Variants in RPRD2 observed in about 807,000 individuals in gnomAD.
RPRD2 encodes regulation of nuclear pre-mRNA domain-containing protein 2.
RPRD2 carries 12 observed loss-of-function variants against 104.4 expected under a neutral mutation model. The observed-to-expected ratio is 0.11, with a 90% CI of 0.07 to 0.19. The LOEUF is 0.19. RPRD2 is among the 10% of genes least tolerant of loss of function. RPRD2 has a pLI of 1.00. For missense variants in RPRD2, 1,543 were observed against 1,790.1 expected, an observed-to-expected ratio of 0.86 and a Z score of 2.49; for synonymous variants, 714 against 684.9, an observed-to-expected ratio of 1.04 and a Z score of -0.66.
rs1661665111 is a variant in RPRD2, at chr1:150,387,566, CCTTTTTTTT to C, written c.205+22648_205+22656del. On this transcript the variant is annotated intron_variant, in intron 1 of 10. Transcript: ENST00000369068. Reference sequence around the variant, plus strand: ...TAAATCTTACAGAAGTTGCAACAGACCTTTTTTTTTTTTTTTTTTTTTTTTTTTTTTTTT... The same window carrying C: ...TAAATCTTACAGAAGTTGCAACAGACTTTTTTTTTTTTTTTTTTTTTTTTT... Among the ~76,000 whole-genome samples, 12 of 70,130 alleles carry C rather than the reference CCTTTTTTTT, an allele frequency of 1.7e-4. 1 individual carries two copies. The South Asian group carries it at 1.7e-3, about 10-fold the overall frequency. 46.0% of individuals were successfully genotyped at this position (70,130 alleles called of 152,430 possible).
Position 150,471,670 on chromosome 1 carries a change from T to C in RPRD2, c.2722T>C (p.Ser908Pro). ...DSSENCDRLS[S>P]SPGLFGAFSV... ...TAGTGAGAACTGTGACCGTCTCTCA[T>C]CTTCCCCTGGGCTATTTGGTGCCTT... Residue 908 changes from serine to proline, a missense_variant, in exon 11 of 11, where the codon TCT (serine) becomes CCT (proline). Ser to Pro is a moderately conservative substitution (Grantham distance 74, BLOSUM62 -1). This residue lies in a region of RPRD2 where 880 missense variants were observed against 885.6 expected (regional missense o/e 0.99). Transcript: ENST00000369068. This position sits in a 1 kb window ranked among gnomAD's most constrained non-coding sequence, Gnocchi z 5.3. 6.2e-7 allele frequency: 1 copy of C among 1,613,918 alleles called. No homozygotes were observed. The highest frequency in any genetic ancestry group is 8.5e-7 in the Non-Finnish European group (1 of 1,179,872).
At chr1:150,423,253 C>T (rs1187677012) in intron 2 of RPRD2, among the ~76,000 whole-genome samples, 3 of 152,160 alleles carry the variant, frequency 2.0e-5, no homozygotes, top group African/African-American at 7.2e-5. Flanking sequence ...TTGAGTTACA[C>T]TTGGGAAACT....
intron 1 of RPRD2, among the ~76,000 whole-genome samples, chr1:150,415,528 C>CA (rs35838623): frequency 0.016 from 2,400 of 150,294 alleles, 30 homozygotes; most frequent in Middle Eastern, 0.049. Flanking sequence ...ACTAAAAATA[C>CA]AAAAAAAAAT....
chr1:150,461,834 G>C (rs1165198895), intron 9 of RPRD2, among the ~76,000 whole-genome samples: 4 of 151,958 alleles, frequency 2.6e-5, no homozygotes, highest in Non-Finnish European at 5.9e-5. Context: ...CAAAAAAATA[G>C]CCAGGCATGG....
chr1:150,420,174 A>G (rs1166855407), intron 2 of RPRD2, among the ~76,000 whole-genome samples: 1 of 152,208 alleles, frequency 6.6e-6, no homozygotes, highest in Non-Finnish European at 1.5e-5. Context: ...TGTAGTATCT[A>G]TAACTTAGCC....
intron 1 of RPRD2, among the ~76,000 whole-genome samples, chr1:150,378,855 C>T (rs1050897145): frequency 6.0e-5 from 9 of 151,216 alleles, no homozygotes; most frequent in Non-Finnish European, 1.2e-4. Flanking sequence ...TGGTGGTGCG[C>T]GCCTGTAATC....
At chr1:150,364,940 G>C (rs1376037200) in intron 1 of RPRD2, 21 bp downstream of exon 1, 2 of 1,611,144 alleles carry the variant, frequency 1.2e-6, no homozygotes, top group Non-Finnish European at 1.7e-6. Flanking sequence ...GGGGTGACTA[G>C]GGAAGGGAAG....
intron 5 of RPRD2, among the ~76,000 whole-genome samples, chr1:150,443,732 G>A (rs1274664343): frequency 2.0e-5 from 3 of 152,084 alleles, no homozygotes; most frequent in Non-Finnish European, 4.4e-5. Flanking sequence ...TAGGCTGGGC[G>A]CGGTGGCTCA....
chr1:150,425,991 C>T (rs587694530), intron 2 of RPRD2, among the ~76,000 whole-genome samples: 1 of 152,246 alleles, frequency 6.6e-6, no homozygotes, highest in Admixed American at 6.5e-5. Context: ...GTCCAAGCTA[C>T]TTGGAAGGCT....
chr1:150,388,391 C>T (rs1661778711), intron 1 of RPRD2, among the ~76,000 whole-genome samples: 2 of 150,116 alleles, frequency 1.3e-5, no homozygotes, highest in African/African-American at 2.5e-5. Flanking sequence ...CACGTATACA[C>T]ATGTATATAC....
At chr1:150,407,527 GTGA>G (rs1663572050) in intron 1 of RPRD2, among the ~76,000 whole-genome samples, 1 of 152,170 alleles carries the variant, frequency 6.6e-6, no homozygotes, top group South Asian at 2.1e-4. Flanking sequence ...CTGACCTGAT[GTGA>G]TGCCCTTTCA....
intron 1 of RPRD2, among the ~76,000 whole-genome samples, chr1:150,366,003 T>C (rs1187447605): frequency 2.0e-5 from 3 of 152,236 alleles, no homozygotes; most frequent in Admixed American, 6.5e-5. Flanking sequence ...TCTCCAGTTA[T>C]GTTTTTTTTG....
In RPRD2 at chr1:150,451,547, C is replaced by T. The variant is rs182888442; in HGVS notation, c.870+5146C>T. ...AAAATTAGCCGGGCGCAGTGGCAGGCACCTGTAGTCCCAGCTACTTGGGAG... is the reference window on the plus strand; with the variant it reads ...AAAATTAGCCGGGCGCAGTGGCAGGTACCTGTAGTCCCAGCTACTTGGGAG... On this transcript the variant is annotated intron_variant, in intron 7 of 10. Coordinates refer to ENST00000369068, the MANE Select transcript of RPRD2 (RefSeq NM_015203.5). Among the ~76,000 whole-genome samples, 828 of 151,856 alleles carry T rather than the reference C, an allele frequency of 5.5e-3. 4 individuals are homozygous for T. Among genetic ancestry groups the T allele is most frequent in the Non-Finnish European group, 9.5e-3 (642 of 67,928 alleles).
In RPRD2 at chr1:150,472,968, T is replaced by C; in HGVS notation, c.4020T>C (p.Phe1340=). Residue 1340 remains phenylalanine, a synonymous_variant, in exon 11 of 11, where the codon TTT becomes TTC. Coordinates refer to ENST00000369068, the MANE Select transcript of RPRD2 (RefSeq NM_015203.5). ...TTCAAGGGACCCTGGCTGAGCATTT[T>C]GGGGTACTCCCAGGACCCAGGGACC... ...SLLQGTLAEH[F]GVLPGPRDHG... 4 of 1,613,934 alleles carry C rather than the reference T, an allele frequency of 2.5e-6. No individual in the cohort carries two copies. The highest frequency in any genetic ancestry group is 3.4e-6 in the Non-Finnish European group (4 of 1,179,838).
At chr1:150,439,627 C>CTTTTTTTTTTTTTTTTTTTTTTTT (rs66814229) in intron 2 of RPRD2, among the ~76,000 whole-genome samples, 1 of 142,292 alleles carries the variant, frequency 7.0e-6, no homozygotes. Flanking sequence ...TTTGACATAG[C>CTTTTTTTTTTTTTTTTTTTTTTTT]TTTTTTTTTT....
At chr1:150,429,899 A>G (rs1375610752) in intron 2 of RPRD2, among the ~76,000 whole-genome samples, 3 of 152,234 alleles carry the variant, frequency 2.0e-5, no homozygotes, top group Non-Finnish European at 2.9e-5. Context: ...AGAATGGCAA[A>G]GCTAACATTA....
In RPRD2 at chr1:150,472,556, C is replaced by T. The variant is rs1668659651; in HGVS notation, c.3608C>T (p.Thr1203Ile). The T allele has an allele frequency of 6.2e-7, 1 of 1,613,916 alleles. No homozygotes were observed. Among genetic ancestry groups the T allele is most frequent in the Non-Finnish European group, 8.5e-7 (1 of 1,179,822 alleles). Residue 1203 changes from threonine to isoleucine, a missense_variant, in exon 11 of 11, where the codon ACA becomes ATA. By Grantham distance (89) the Thr-to-Ile change is moderately conservative. Coordinates refer to ENST00000369068, the MANE Select transcript of RPRD2 (RefSeq NM_015203.5). ...CCCCCATCCCCCTTGGAACATGGGA[C>T]ACCCTTCCAGAGAGAGCCAGTGGGG... ...HLPPSPLEHG[T>I]PFQREPVGPS... is the part of the protein sequence containing the mutation.
intron 6 of RPRD2, among the ~76,000 whole-genome samples, chr1:150,444,599 T>C (rs1666634044): frequency 6.6e-6 from 1 of 152,220 alleles, no homozygotes; most frequent in South Asian, 2.1e-4. Context: ...ATATAGACAG[T>C]TGTATTTCAC....
intron 7 of RPRD2, among the ~76,000 whole-genome samples, chr1:150,453,055 C>T (rs1361202210): frequency 2.1e-5 from 3 of 145,094 alleles, no homozygotes; most frequent in South Asian, 2.2e-4. Context: ...TTTTTGGAGA[C>T]GGAGCCTCGT....
Sources: allele counts gnomAD v4.1 joint callset (sites outside exome capture counted in the v4.1 genomes callset), GRCh38; gene constraint gnomAD v4.1.1; regional missense constraint gnomAD v4.1.1; non-coding constraint Gnocchi (gnomAD v3.1); transcripts MANE v1.5; gene names NCBI Gene and HGNC (gene_info 2026-07-23, HGNC 2026-07-21).